LTBP1: variants seen among roughly 807,000 people sequenced by gnomAD.
LTBP1 encodes latent-transforming growth factor beta-binding protein 1.
In LTBP1, 129 loss-of-function variants were observed where a neutral mutation model predicts 207.6. That is an observed-to-expected ratio of 0.62 (90% CI 0.54 to 0.72). The LOEUF (loss-of-function observed/expected upper bound fraction) is 0.72. Among genes scored for constraint, LTBP1 ranks in the 30% least tolerant of loss-of-function variants. LTBP1 has a pLI of 0.00. For missense variants in LTBP1, 2,281 were observed against 2,217.2 expected, an observed-to-expected ratio of 1.03 and a Z score of -0.58; for synonymous variants, 963 against 833.7, an observed-to-expected ratio of 1.16 and a Z score of -2.67.
intron 11 of LTBP1, among the ~76,000 whole-genome samples, chr2:33,255,051 A>G (rs1244589861): frequency 7.7e-6 from 1 of 130,614 alleles, no homozygotes; most frequent in Non-Finnish European, 1.6e-5. Context: ...AGCATTAGGT[A>G]TATCTCCCAG....
chr2:33,253,341 C>A (rs910418964), intron 11 of LTBP1, among the ~76,000 whole-genome samples: 1 of 152,106 alleles, frequency 6.6e-6, no homozygotes, highest in Non-Finnish European at 1.5e-5. Context: ...ACAGAACTTG[C>A]CAAAACTCCT....
At chr2:33,313,755 G>A (rs1279370896) in intron 23 of LTBP1, among the ~76,000 whole-genome samples, 2 of 152,152 alleles carry the variant, frequency 1.3e-5, no homozygotes, top group Non-Finnish European at 2.9e-5. Context: ...GAGAAATTTT[G>A]TGGTGGACAA....
intron 23 of LTBP1, among the ~76,000 whole-genome samples, chr2:33,311,299 A>T (rs1233164314): frequency 2.0e-5 from 3 of 152,226 alleles, no homozygotes; most frequent in African/African-American, 4.8e-5. Flanking sequence ...CAGATATTTT[A>T]AAAATCCCAA....
chr2:33,163,449 G>T (rs2084636932), intron 5 of LTBP1, among the ~76,000 whole-genome samples: 1 of 152,162 alleles, frequency 6.6e-6, no homozygotes, highest in Non-Finnish European at 1.5e-5. Flanking sequence ...TTTGATAATT[G>T]CCATGATCTT....
chr2:33,303,585 C>G (rs968084682), intron 22 of LTBP1, among the ~76,000 whole-genome samples: 1 of 152,010 alleles, frequency 6.6e-6, no homozygotes, highest in South Asian at 2.1e-4. Context: ...CTCCTGACCT[C>G]GTGATCCGCC....
chr2:32,968,949 T>C (rs1490989985), intron 2 of LTBP1, among the ~76,000 whole-genome samples: 1 of 141,070 alleles, frequency 7.1e-6, no homozygotes, highest in Non-Finnish European at 1.5e-5. Context: ...GGTGTCTCGC[T>C]CTGTCACCCA....
At chr2:33,046,361 A>G (rs188254510) in intron 3 of LTBP1, among the ~76,000 whole-genome samples, 104 of 152,272 alleles carry the variant, frequency 6.8e-4, no homozygotes, top group African/African-American at 2.2e-3. Context: ...TTCTGCATCT[A>G]TTGAGATAAT....
chr2:33,110,704 C>T lies in LTBP1; in HGVS notation c.986C>T (p.Ser329Phe). Residue 329 changes from serine (S) to phenylalanine (F), a missense_variant, in exon 4 of 34, where the codon TCT becomes TTT. Physicochemically the swap from Ser to Phe is radical, Grantham distance 155. Transcript: ENST00000404816. Reference protein sequence around the residue: ...GISGEQSTEGSFPLRYVQDQV... With the variant: ...GISGEQSTEGFFPLRYVQDQV... ...TCAGGAGAGCAGTCCACTGAAGGTT[C>T]TTTCCCTTTAAGATATGTGCAGGAT... 1 of 1,614,194 alleles carries T rather than the reference C, an allele frequency of 6.2e-7. No homozygotes were observed. The highest frequency in any genetic ancestry group is 8.5e-7 in the Non-Finnish European group (1 of 1,180,016).
chr2:32,949,092 G>C (rs1676716789), intron 2 of LTBP1, 147 bp downstream of exon 2: 4 of 725,946 alleles, frequency 5.5e-6, no homozygotes, highest in African/African-American at 1.7e-5. Flanking sequence ...TTACCACCTA[G>C]GAAGGGCTGG....
chr2:33,313,186 A>T lies in LTBP1; in HGVS notation c.3605-1958A>T, dbSNP rs574399782. 2.0e-5 allele frequency among the ~76,000 whole-genome samples: 3 copies of T among 152,378 alleles called. No individual in the cohort carries two copies. The South Asian group carries it at 6.2e-4, about 32-fold the overall frequency. Reference sequence around the variant, plus strand: ...CATTGACCTTCCTTGAAATATCTAAAAACTAGTGACAGTAACAAGAATAGG... The same window carrying T: ...CATTGACCTTCCTTGAAATATCTAATAACTAGTGACAGTAACAAGAATAGG... On this transcript the variant is annotated intron_variant, in intron 23 of 33. Coordinates refer to ENST00000404816, the MANE Select transcript of LTBP1 (RefSeq NM_206943.4).
intron 10 of LTBP1, among the ~76,000 whole-genome samples, chr2:33,249,752 A>G (rs1274442286): frequency 6.6e-6 from 1 of 152,150 alleles, no homozygotes; most frequent in Non-Finnish European, 1.5e-5. Context: ...TTTTGCCGTA[A>G]TTTTAGTAAC....
intron 10 of LTBP1, among the ~76,000 whole-genome samples, chr2:33,247,802 G>C (rs1234633862): frequency 6.6e-6 from 1 of 152,220 alleles, no homozygotes; most frequent in Non-Finnish European, 1.5e-5. Flanking sequence ...GCAACATGTG[G>C]CTAGTGCCTA....
intron 15 of LTBP1, among the ~76,000 whole-genome samples, chr2:33,265,850 A>G (rs971176921): frequency 6.6e-6 from 1 of 152,238 alleles, no homozygotes; most frequent in Non-Finnish European, 1.5e-5. Context: ...CCACTGCAGG[A>G]TGAGGTTGAC....
intron 22 of LTBP1, among the ~76,000 whole-genome samples, chr2:33,308,599 A>T (rs187366039): frequency 2.2e-4 from 34 of 152,218 alleles, no homozygotes; most frequent in Non-Finnish European, 2.1e-4. Context: ...ATGACCCCTA[A>T]AGTTGATGCT....
At chr2:33,158,061 G>C (rs1558724032) in intron 5 of LTBP1, among the ~76,000 whole-genome samples, 1 of 148,746 alleles carries the variant, frequency 6.7e-6, no homozygotes, top group Non-Finnish European at 1.5e-5. Context: ...GCTTGAACCT[G>C]AGAGGCGGTG....
intron 24 of LTBP1, among the ~76,000 whole-genome samples, chr2:33,330,243 CTTG>C (rs1351495713): frequency 1.3e-5 from 2 of 152,026 alleles, no homozygotes; most frequent in Non-Finnish European, 2.9e-5. Flanking sequence ...GCTAAATCTG[CTTG>C]TTAATTCTAG....
In LTBP1 at chr2:33,140,555, A is replaced by G. The variant is rs946416443; in HGVS notation, c.1201+5595A>G. ...TTTAGAATGCCTAAGAACTTATCAAAGAAACCACTTCCACATACATTTAGC... is the reference window on the plus strand; with the variant it reads ...TTTAGAATGCCTAAGAACTTATCAAGGAAACCACTTCCACATACATTTAGC... On this transcript the variant is annotated intron_variant, in intron 5 of 33. Coordinates refer to ENST00000404816, the MANE Select transcript of LTBP1 (RefSeq NM_206943.4). Among the ~76,000 whole-genome samples the G allele has an allele frequency of 5.3e-5, 8 of 152,372 alleles. No homozygotes were observed. The South Asian group carries it at 1.2e-3, about 24-fold the overall frequency.
intron 3 of LTBP1, among the ~76,000 whole-genome samples, chr2:33,028,807 T>C (rs2149296546): frequency 6.6e-6 from 1 of 152,284 alleles, no homozygotes; most frequent in African/African-American, 2.4e-5. Flanking sequence ...GTGTTGAATC[T>C]TCTTGCTCCT....
chr2:33,049,381 T>C (rs774449854), intron 3 of LTBP1, among the ~76,000 whole-genome samples: 2 of 152,226 alleles, frequency 1.3e-5, no homozygotes, highest in African/African-American at 4.8e-5. Context: ...ATGAGTGTTA[T>C]GACTTTGTAA....
Sources: gnomAD v4.1 joint callset for allele counts (sites outside exome capture counted in the v4.1 genomes callset) on GRCh38, gnomAD v4.1.1 for gene constraint, MANE v1.5 for transcripts, NCBI Gene and HGNC (gene_info 2026-07-23, HGNC 2026-07-21) for gene names.